The following SETDB2 variants were observed in gnomAD, a reference collection of about 807,000 sequenced individuals.
The protein encoded by SETDB2 is histone-lysine N-methyltransferase SETDB2.
In SETDB2, 56 loss-of-function variants were observed where a neutral mutation model predicts 82.5. The observed-to-expected ratio is 0.68, with a 90% confidence interval of 0.55 to 0.85. The LOEUF is 0.85. Ranked by LOEUF, SETDB2 falls within the 40% of genes least tolerant of loss-of-function variation. SETDB2 has a pLI of 0.00. For synonymous variants in SETDB2, 272 were observed against 284.9 expected (o/e 0.95, Z 0.46); for missense variants, 677 against 816.4 (o/e 0.83, Z 2.08).
chr13:49,469,586 T>G (rs930974562), intron 5 of SETDB2, among the ~76,000 whole-genome samples: 5 of 152,198 alleles, frequency 3.3e-5, no homozygotes, highest in Non-Finnish European at 7.4e-5. Context: ...TAAGCTAACC[T>G]TTCTATATTT....
rs986344479 is a variant in SETDB2 at position 49,493,069 on chromosome 13, AAAAG to A, written c.*1221_*1224del. The A allele has an allele frequency of 6.6e-6, 1 of 152,142 alleles. No homozygotes were observed. The highest frequency in any genetic ancestry group is 2.4e-5 in the African/African-American group (1 of 41,424). 9.4% of individuals were successfully genotyped at this position (152,142 alleles called of 1,614,324 possible). A position where few individuals can be genotyped will look rare whatever the true frequency, so the allele number is the denominator to read the frequency against. Reference sequence around the variant, plus strand: ...TTGCAAATCTTTTTTTTTTACAGAAAAAAGGCAAAGAGTAAGCACTTTGCCATAG... The same window carrying A: ...TTGCAAATCTTTTTTTTTTACAGAAAGCAAAGAGTAAGCACTTTGCCATAG... On this transcript the variant is annotated 3_prime_UTR_variant, in exon 14 of 14. Coordinates refer to ENST00000611815, the MANE Select transcript of SETDB2 (RefSeq NM_001160308.3).
At chr13:49,483,208 T>A (rs1274487291) in intron 9 of SETDB2, among the ~76,000 whole-genome samples, 4 of 152,190 alleles carry the variant, frequency 2.6e-5, no homozygotes, top group Non-Finnish European at 4.4e-5. Context: ...TGTCATAAGT[T>A]TTGCTGTTTT....
chr13:49,484,929 G>T (rs989022821), intron 10 of SETDB2, among the ~76,000 whole-genome samples: 2 of 152,160 alleles, frequency 1.3e-5, no homozygotes, highest in Non-Finnish European at 2.9e-5. Context: ...GTGCTAGCTG[G>T]GTGGTATCTC....
intron 4 of SETDB2, among the ~76,000 whole-genome samples, chr13:49,466,910 C>T (rs1958128028): frequency 6.8e-6 from 1 of 148,024 alleles, no homozygotes; most frequent in Non-Finnish European, 1.5e-5. Context: ...CCCACTTTAT[C>T]CTTCCAAAGT....
At chr13:49,475,083 C>T (rs1305437479) in intron 5 of SETDB2, among the ~76,000 whole-genome samples, 1 of 152,198 alleles carries the variant, frequency 6.6e-6, no homozygotes, top group Non-Finnish European at 1.5e-5. Context: ...CTTACCAGTT[C>T]CACATGGCTG....
At chr13:49,480,144 C>T (rs1438773027) in intron 6 of SETDB2, 75 bp from the exon 7 acceptor site, 4 of 901,252 alleles carry the variant, frequency 4.4e-6, no homozygotes, top group African/African-American at 1.7e-5. Flanking sequence ...ACATCATTTA[C>T]ACATTTATCA....
intron 8 of SETDB2, chr13:49,482,371 A>C: frequency 6.2e-6 from 6 of 961,010 alleles, no homozygotes; most frequent in Non-Finnish European, 6.2e-6. Flanking sequence ...TTTAAGTTTC[A>C]GATGATAACG....
At chr13:49,488,227 T>C in intron 11 of SETDB2, 63 bp from the exon 12 acceptor site, 1 of 1,507,906 alleles carries the variant, frequency 6.6e-7, no homozygotes, top group Non-Finnish European at 8.8e-7. Flanking sequence ...TTAGTGTTGT[T>C]AATTTCAGCA....
Position 49,451,871 on chromosome 13 carries a change from A to T in SETDB2, c.-23A>T. ...GATAAACCTAATTTTGAAGCATTTTATATTTATAAGCGACATCAAAAGATG... is the reference window on the plus strand; with the variant it reads ...GATAAACCTAATTTTGAAGCATTTTTTATTTATAAGCGACATCAAAAGATG... On this transcript the variant is annotated 5_prime_UTR_variant, in exon 2 of 14. Transcript: ENST00000611815. The T allele has an allele frequency of 1.9e-6, 3 of 1,585,770 alleles. No homozygotes were observed. Among genetic ancestry groups the T allele is most frequent in the Non-Finnish European group, 2.6e-6 (3 of 1,160,014 alleles).
chr13:49,475,768 G>C (rs935736326), intron 5 of SETDB2, among the ~76,000 whole-genome samples: 1 of 151,764 alleles, frequency 6.6e-6, no homozygotes, highest in Non-Finnish European at 1.5e-5. Flanking sequence ...GATTACAGTT[G>C]TGAGCCATCA....
At chr13:49,474,435 A>G (rs1053792852) in intron 5 of SETDB2, among the ~76,000 whole-genome samples, 1 of 152,228 alleles carries the variant, frequency 6.6e-6, no homozygotes, top group African/African-American at 2.4e-5. Flanking sequence ...TATTAATGAA[A>G]TAACTAACCC....
intron 6 of SETDB2, 74 bp downstream of exon 6, chr13:49,477,113 ATTAAT>A: frequency 2.2e-6 from 3 of 1,338,146 alleles, no homozygotes; most frequent in Non-Finnish European, 3.0e-6. Context: ...CTTGCTATGT[ATTAAT>A]TTGTCTATCT....
At chr13:49,486,853 A>G (rs570819241) in intron 11 of SETDB2, among the ~76,000 whole-genome samples, 1 of 152,300 alleles carries the variant, frequency 6.6e-6, no homozygotes, top group Non-Finnish European at 1.5e-5. Flanking sequence ...TTTGTGAAGA[A>G]TTGGTGAGCC....
chr13:49,477,315 A>G (rs1352521731), intron 6 of SETDB2, among the ~76,000 whole-genome samples: 7 of 152,284 alleles, frequency 4.6e-5, no homozygotes, highest in Non-Finnish European at 1.0e-4. Flanking sequence ...GTGCATCTAT[A>G]GTCCCAGCTA....
intron 8 of SETDB2, chr13:49,482,059 G>A (rs954959944): frequency 4.1e-6 from 4 of 985,178 alleles, no homozygotes; most frequent in African/African-American, 3.5e-5. Context: ...CTGCCTAGAC[G>A]TTCATCTCTC....
intron 2 of SETDB2, among the ~76,000 whole-genome samples, chr13:49,458,360 A>T (rs751522110): frequency 1.3e-5 from 2 of 152,176 alleles, no homozygotes; most frequent in Non-Finnish European, 2.9e-5. Flanking sequence ...CAGGCCTGAG[A>T]TACTGTGCCC....
chr13:49,452,962 T>C (rs1011414835), intron 2 of SETDB2, among the ~76,000 whole-genome samples: 5 of 152,166 alleles, frequency 3.3e-5, no homozygotes, highest in African/African-American at 1.2e-4. Context: ...TGGTATCAAA[T>C]TTCTCCACTG....
chr13:49,453,623 A>G (rs1408331278), intron 2 of SETDB2, among the ~76,000 whole-genome samples: 2 of 152,050 alleles, frequency 1.3e-5, no homozygotes, highest in African/African-American at 4.8e-5. Flanking sequence ...TCCCTTTGAT[A>G]TACCGTCATC....
At chr13:49,480,028 A>G (rs528103667) in intron 6 of SETDB2, among the ~76,000 whole-genome samples, 191 bp from the exon 7 acceptor site, 16 of 152,306 alleles carry the variant, frequency 1.1e-4, no homozygotes, top group African/African-American at 3.6e-4. Context: ...GTTTATAATT[A>G]TTTATAAACT....
Sources: allele counts gnomAD v4.1 joint callset (sites outside exome capture counted in the v4.1 genomes callset), GRCh38; gene constraint gnomAD v4.1.1; transcripts MANE v1.5; gene names NCBI Gene and HGNC (gene_info 2026-07-23, HGNC 2026-07-21).